Variants in GABRB3 observed in about 807,000 individuals in gnomAD.
The protein encoded by GABRB3 is gamma-aminobutyric acid type A receptor subunit beta3.
A neutral mutation model predicts 52.1 loss-of-function variants in GABRB3; 14 were observed. That is an observed-to-expected ratio of 0.27 (90% CI 0.18 to 0.42). The LOEUF (loss-of-function observed/expected upper bound fraction) is 0.42. Ranked by LOEUF, GABRB3 falls within the 10% of genes least tolerant of loss-of-function variation. GABRB3 has a pLI of 1.00. For missense variants in GABRB3, 307 were observed against 609.1 expected (o/e 0.50, Z 5.22); for synonymous variants, 260 against 232.3 (o/e 1.12, Z -1.08).
intron 3 of GABRB3, among the ~76,000 whole-genome samples, chr15:26,721,142 G>A (rs1333139539): frequency 6.6e-6 from 1 of 152,128 alleles, no homozygotes; most frequent in Non-Finnish European, 1.5e-5. Flanking sequence ...GTGTTGCTAG[G>A]TGCAGTAGGT....
chr15:26,685,039 T>G (rs958910442), intron 3 of GABRB3, among the ~76,000 whole-genome samples: 1 of 152,098 alleles, frequency 6.6e-6, no homozygotes, highest in Admixed American at 6.5e-5. Context: ...GTGATAAAGT[T>G]AGATGTGCCT....
chr15:26,768,852 A>C (rs1437644000), intron 3 of GABRB3, among the ~76,000 whole-genome samples: 2 of 152,214 alleles, frequency 1.3e-5, no homozygotes, highest in East Asian at 1.9e-4. Flanking sequence ...ATTTAGAAAA[A>C]AATTGGAAAT....
intron 3 of GABRB3, among the ~76,000 whole-genome samples, chr15:26,720,402 A>T: frequency 6.6e-6 from 1 of 152,160 alleles, no homozygotes; most frequent in East Asian, 1.9e-4. Flanking sequence ...TCTGATCCCT[A>T]GCTCAATCAC....
intron 3 of GABRB3, among the ~76,000 whole-genome samples, chr15:26,763,650 T>C (rs1299169721): frequency 9.9e-6 from 1 of 100,632 alleles, no homozygotes; most frequent in African/African-American, 3.5e-5. Flanking sequence ...CATGGAATAA[T>C]GGATGACCCA....
intron 8 of GABRB3, chr15:26,557,843 A>G (rs1295522272): frequency 1.3e-5 from 2 of 152,232 alleles, no homozygotes; most frequent in African/African-American, 4.8e-5. Flanking sequence ...CATTTAATTT[A>G]TAATATACTT....
At chr15:26,727,867 GA>G (rs1483304514) in intron 3 of GABRB3, among the ~76,000 whole-genome samples, 1 of 152,088 alleles carries the variant, frequency 6.6e-6, no homozygotes, top group East Asian at 1.9e-4. Context: ...TAGACAATGA[GA>G]AACTTGCTTT....
intron 3 of GABRB3, among the ~76,000 whole-genome samples, chr15:26,730,380 T>C (rs948785712): frequency 3.2e-4 from 43 of 134,438 alleles, no homozygotes; most frequent in African/African-American, 1.1e-3. Context: ...ATCGCGCCAC[T>C]GCACTCCAGC....
intron 3 of GABRB3, among the ~76,000 whole-genome samples, chr15:26,684,052 A>T (rs2140652801): frequency 6.6e-6 from 1 of 152,302 alleles, no homozygotes; most frequent in South Asian, 2.1e-4. Context: ...TAGGCATAAG[A>T]GTGACAGCAG....
chr15:26,711,086 T>A (rs1889278808), intron 3 of GABRB3, among the ~76,000 whole-genome samples: 1 of 152,166 alleles, frequency 6.6e-6, no homozygotes, highest in Admixed American at 6.5e-5. Context: ...CCAAAACAAA[T>A]CTAGATAGAT....
intron 3 of GABRB3, among the ~76,000 whole-genome samples, chr15:26,656,279 G>A (rs1212835702): frequency 6.6e-6 from 1 of 152,158 alleles, no homozygotes; most frequent in Non-Finnish European, 1.5e-5. Flanking sequence ...AAGATAAACT[G>A]TCTAGTGACT....
At chr15:26,656,755 T>TC (rs1887385154) in intron 3 of GABRB3, among the ~76,000 whole-genome samples, 2 of 151,898 alleles carry the variant, frequency 1.3e-5, no homozygotes, top group African/African-American at 4.8e-5. Context: ...ACCATACCCC[T>TC]CCCCCAATCG....
At chr15:26,658,843 C>T (rs1329945109) in intron 3 of GABRB3, 1 of 152,140 alleles carries the variant, frequency 6.6e-6, no homozygotes, top group Non-Finnish European at 1.5e-5. Context: ...TGCTATGTTG[C>T]CAATTGAAAC....
In GABRB3 at chr15:26,759,517, C is replaced by T. The variant is rs543927150; in HGVS notation, c.240+12885G>A. On this transcript the variant is annotated intron_variant, in intron 3 of 8. Coordinates refer to ENST00000311550, the MANE Select transcript of GABRB3 (RefSeq NM_000814.6). ...CTCGTGATCCACCCGCCTCGGCCTC[C>T]CAAAGTGCTGGGATTACAGGCATGA... is the stretch of plus-strand genomic sequence containing the variant. Among the ~76,000 whole-genome samples the T allele has an allele frequency of 3.0e-3, 462 of 152,298 alleles. 2 individuals are homozygous for T. The highest frequency in any genetic ancestry group is 0.011 in the African/African-American group (442 of 41,570).
rs111392632 is a variant in GABRB3 at position 26,687,966 on chromosome 15, T to C, written c.241-66432A>G. Among the ~76,000 whole-genome samples, 1,290 of 152,348 alleles carry C rather than the reference T, an allele frequency of 8.5e-3. 11 individuals are homozygous for C. The highest frequency in any genetic ancestry group is 0.03 in the African/African-American group (1,235 of 41,582). On this transcript the variant is annotated intron_variant, in intron 3 of 8. Transcript: ENST00000311550. ...TTCATCTTTTCCAGAGCACGCTTTT[T>C]GAGTCCAGTGGACAACCTATTACTG...
At chr15:26,629,721 G>T (rs1026443897) in intron 3 of GABRB3, among the ~76,000 whole-genome samples, 1 of 152,092 alleles carries the variant, frequency 6.6e-6, no homozygotes, top group African/African-American at 2.4e-5. Context: ...AGCCCCTTCT[G>T]GTTGTAATTA....
chr15:26,554,153 TATATAAA>T (rs1567097290), intron 8 of GABRB3, among the ~76,000 whole-genome samples: 9 of 49,962 alleles, frequency 1.8e-4, no homozygotes, highest in African/African-American at 9.4e-4. Context: ...AGTATATATA[TATATAAA>T]GTATATATAT....
chr15:26,765,542 C>T (rs779022713), intron 3 of GABRB3, among the ~76,000 whole-genome samples: 15 of 152,198 alleles, frequency 9.9e-5, no homozygotes, highest in Non-Finnish European at 1.6e-4. Context: ...TGGAAATTTA[C>T]ATATCACTTT....
Position 26,622,722 on chromosome 15 carries a change from G to A in GABRB3, c.241-1188C>T, listed in dbSNP as rs139439799. On this transcript the variant is annotated intron_variant, in intron 3 of 8. Coordinates refer to ENST00000311550, the MANE Select transcript of GABRB3 (RefSeq NM_000814.6). ...AATTCACGGTGTTGCTAAACTGATG[G>A]CTGTTTATTGCTGCTCTCAATAGTG... Among the ~76,000 whole-genome samples the A allele has an allele frequency of 5.2e-3, 793 of 152,260 alleles. 10 individuals carry two copies. Among genetic ancestry groups the A allele is most frequent in the African/African-American group, 0.019 (771 of 41,526 alleles).
At chr15:26,559,107 G>T (rs1002199354) in intron 8 of GABRB3, among the ~76,000 whole-genome samples, 1 of 152,138 alleles carries the variant, frequency 6.6e-6, no homozygotes, top group African/African-American at 2.4e-5. Context: ...TCTCCCACCA[G>T]GCCCCACCTC....
Sources: gnomAD v4.1 joint callset for allele counts (sites outside exome capture counted in the v4.1 genomes callset) on GRCh38, gnomAD v4.1.1 for gene constraint, MANE v1.5 for transcripts, NCBI Gene and HGNC (gene_info 2026-07-23, HGNC 2026-07-21) for gene names.